SGIP1: variants seen among roughly 807,000 people sequenced by gnomAD.
SGIP1 encodes SH3-containing GRB2-like protein 3-interacting protein 1.
Under a neutral mutation model 107.5 loss-of-function variants are expected in SGIP1, and 38 were observed. That is an observed-to-expected ratio of 0.35 (90% CI 0.27 to 0.46). The LOEUF is 0.46. Ranked by LOEUF, SGIP1 falls within the 20% of genes least tolerant of loss-of-function variation. The pLI is 1.00. For synonymous variants in SGIP1, 365 were observed against 366.1 expected (o/e 1.00, Z 0.03); for missense variants, 929 against 1,019.5 (o/e 0.91, Z 1.21).
Position 66,614,639 on chromosome 1 carries a change from C to T in SGIP1, c.11-11208C>T, listed in dbSNP as rs17129182. Among the ~76,000 whole-genome samples the T allele has an allele frequency of 8.4e-3, 1,280 of 151,840 alleles. 15 individuals are homozygous for T. Among genetic ancestry groups the T allele is most frequent in the African/African-American group, 0.027 (1,122 of 41,396 alleles). On this transcript the variant is annotated intron_variant, in intron 1 of 24. Transcript: ENST00000371037. ...TTTAACTTTTTAAACCATTTATATC[C>T]CTTTTTAGAAGTAGACTTCATAGAT...
intron 18 of SGIP1, chr1:66,704,432 G>T (rs2092310581): frequency 6.6e-6 from 1 of 152,042 alleles, no homozygotes; most frequent in Admixed American, 6.6e-5. Flanking sequence ...TACTCCTGGG[G>T]GTTCTGTGTC....
intron 1 of SGIP1, among the ~76,000 whole-genome samples, chr1:66,551,286 G>A (rs1387771348): frequency 6.6e-6 from 1 of 152,134 alleles, no homozygotes; most frequent in Non-Finnish European, 1.5e-5. Flanking sequence ...AATTTGCAAT[G>A]CCATTTTCAG....
chr1:66,631,435 G>A (rs1427316019), intron 2 of SGIP1, among the ~76,000 whole-genome samples: 1 of 152,054 alleles, frequency 6.6e-6, no homozygotes, highest in Non-Finnish European at 1.5e-5. Flanking sequence ...AATTCCCATG[G>A]TCTTTCAATA....
At chr1:66,732,568 C>A (rs2094062150) in intron 20 of SGIP1, among the ~76,000 whole-genome samples, 1 of 152,126 alleles carries the variant, frequency 6.6e-6, no homozygotes, top group African/African-American at 2.4e-5. Flanking sequence ...GAGACTTGGC[C>A]ACTCTTTCCT....
intron 1 of SGIP1, among the ~76,000 whole-genome samples, chr1:66,608,368 T>C (rs1216355290): frequency 2.6e-5 from 4 of 152,334 alleles, no homozygotes; most frequent in Non-Finnish European, 5.9e-5. Flanking sequence ...ATATTTCTAA[T>C]CTGTAATATG....
intron 18 of SGIP1, among the ~76,000 whole-genome samples, chr1:66,708,979 G>A (rs371875691): frequency 4.0e-5 from 6 of 151,722 alleles, no homozygotes; most frequent in African/African-American, 9.7e-5. Flanking sequence ...TCAATCATTC[G>A]AATTTTTTTT....
At chr1:66,663,812 A>G (rs1394524424) in intron 8 of SGIP1, among the ~76,000 whole-genome samples, 1 of 152,196 alleles carries the variant, frequency 6.6e-6, no homozygotes, top group Non-Finnish European at 1.5e-5. Flanking sequence ...TAGGTTTATA[A>G]CTCATTGGAA....
At chr1:66,568,362 A>ACTTTGCT (rs2059934645) in intron 1 of SGIP1, among the ~76,000 whole-genome samples, 1 of 151,252 alleles carries the variant, frequency 6.6e-6, no homozygotes, top group African/African-American at 2.4e-5. Context: ...TTTTGTCCTG[A>ACTTTGCT]GAAGTTGCTT....
At chr1:66,596,468 T>G (rs760735285) in intron 1 of SGIP1, among the ~76,000 whole-genome samples, 14 of 151,950 alleles carry the variant, frequency 9.2e-5, no homozygotes, top group Non-Finnish European at 1.3e-4. Flanking sequence ...ATCACTCAGA[T>G]GTGGGCACAA....
chr1:66,612,436 T>C (rs1208087055), intron 1 of SGIP1, among the ~76,000 whole-genome samples: 1 of 152,250 alleles, frequency 6.6e-6, no homozygotes, highest in African/African-American at 2.4e-5. Flanking sequence ...ATGTGGATTT[T>C]CCTCCCCTTT....
Position 66,671,945 on chromosome 1 carries a change from TGAA to T in SGIP1, c.515_517del (p.Glu172del). 1 of 1,614,012 alleles carries T rather than the reference TGAA, an allele frequency of 6.2e-7. No individual in the cohort carries two copies. Among genetic ancestry groups the T allele is most frequent in the Non-Finnish European group, 8.5e-7 (1 of 1,179,946 alleles). ...AAGTTCCTTTGTCCTGTGCATCAGG[TGAA>T]GAAGTGGCAAGACCCAGGCGTTCCA... is the stretch of plus-strand genomic sequence containing the variant. On this transcript the variant is annotated inframe_deletion and splice_region_variant, in exon 11 of 25. Transcript: ENST00000371037.
intron 18 of SGIP1, among the ~76,000 whole-genome samples, chr1:66,697,805 A>T (rs996414056): frequency 8.5e-5 from 13 of 152,286 alleles, no homozygotes; most frequent in Admixed American, 5.9e-4. Context: ...CCTCGAGAGT[A>T]GTGCCCCCAC....
intron 21 of SGIP1, among the ~76,000 whole-genome samples, chr1:66,736,186 TATTTATACAAATATTTTAAATATAA>T (rs2094225869): frequency 1.9e-5 from 1 of 52,734 alleles, no homozygotes. Flanking sequence ...TAAATATAAA[TATTTATACAAATATTTTAAATATAA>T]ATATTTATAC....
At chr1:66,555,483 G>C (rs769133512) in intron 1 of SGIP1, among the ~76,000 whole-genome samples, 2 of 152,066 alleles carry the variant, frequency 1.3e-5, no homozygotes, top group Non-Finnish European at 2.9e-5. Context: ...TTCATCAAGA[G>C]GGATGTATCC....
chr1:66,635,423 T>C (rs78607335), intron 3 of SGIP1, among the ~76,000 whole-genome samples: 2,054 of 152,288 alleles, frequency 0.013, 41 homozygotes, highest in African/African-American at 0.047. Context: ...ATCAGGGTCA[T>C]AGCCTTTGCT....
chr1:66,535,400 A>G (rs548726717), intron 1 of SGIP1, among the ~76,000 whole-genome samples: 1 of 152,356 alleles, frequency 6.6e-6, no homozygotes, highest in Admixed American at 6.5e-5. Flanking sequence ...CAGAGAGGCC[A>G]CCTCTTAAGC....
At position 66,647,264 on chromosome 1, in the gene SGIP1, T is replaced by C. The variant is rs567909651; in HGVS notation, c.459+3545T>C. Among the ~76,000 whole-genome samples, 7 of 152,300 alleles carry C rather than the reference T, an allele frequency of 4.6e-5. No individual in the cohort carries two copies. The South Asian group carries it at 1.5e-3, about 32-fold the overall frequency. ...TGCCTTACCACTGCAAGTACTTCCA[T>C]GCACCAGCCTTGGGATGGAGGAAAG... On this transcript the variant is annotated intron_variant, in intron 7 of 24. Transcript: ENST00000371037.
intron 1 of SGIP1, among the ~76,000 whole-genome samples, chr1:66,571,585 A>G (rs1380076092): frequency 6.6e-6 from 1 of 151,972 alleles, no homozygotes; most frequent in Non-Finnish European, 1.5e-5. Flanking sequence ...TAATTTTTAT[A>G]TTACTCTCCT....
chr1:66,605,625 A>G (rs1480847525), intron 1 of SGIP1, among the ~76,000 whole-genome samples: 1 of 151,668 alleles, frequency 6.6e-6, no homozygotes, highest in African/African-American at 2.4e-5. Context: ...CTTAACAAAC[A>G]CAGCCCAAAC....
Sources: allele counts gnomAD v4.1 joint callset (sites outside exome capture counted in the v4.1 genomes callset), GRCh38; gene constraint gnomAD v4.1.1; transcripts MANE v1.5; gene names NCBI Gene and HGNC (gene_info 2026-07-23, HGNC 2026-07-21).